RAB31: variants seen among roughly 807,000 people sequenced by gnomAD.
RAB31 encodes the protein RAB31, member RAS oncogene family.
RAB31 carries 21 observed loss-of-function variants against 25.6 expected under a neutral mutation model. That is an observed-to-expected ratio of 0.82 (90% CI 0.58 to 1.18). The LOEUF (loss-of-function observed/expected upper bound fraction) is 1.18, where lower values mean the gene tolerates loss of function less well. RAB31 is among the 50% of genes most tolerant of loss of function. The pLI, the probability that RAB31 is intolerant of heterozygous loss-of-function variation, is 0.00. For missense variants in RAB31, 196 were observed against 250.1 expected (o/e 0.78, Z 1.46); for synonymous variants, 87 against 84.0 (o/e 1.04, Z -0.20).
intron 1 of RAB31, among the ~76,000 whole-genome samples, chr18:9,754,497 C>G (rs546414331): frequency 6.6e-6 from 1 of 152,114 alleles, no homozygotes; most frequent in Non-Finnish European, 1.5e-5. Flanking sequence ...TCAGGCTGCT[C>G]TCGAACTTCT....
intron 1 of RAB31, among the ~76,000 whole-genome samples, chr18:9,714,637 C>G (rs560837762): frequency 6.6e-6 from 1 of 152,360 alleles, no homozygotes; most frequent in South Asian, 2.1e-4. Context: ...AGATTTTACA[C>G]TTTCATTTAT....
chr18:9,810,977 GGAATTCT>G, intron 3 of RAB31, among the ~76,000 whole-genome samples: 1 of 152,284 alleles, frequency 6.6e-6, no homozygotes, highest in South Asian at 2.1e-4. Context: ...CCTTTGGGCA[GGAATTCT>G]GATTTTGTTT....
intron 1 of RAB31, among the ~76,000 whole-genome samples, chr18:9,720,124 C>T (rs964447687): frequency 5.9e-5 from 9 of 152,150 alleles, no homozygotes; most frequent in South Asian, 2.1e-4. Context: ...CCACCATGCC[C>T]GGCTAATTTT....
intron 1 of RAB31, chr18:9,734,843 C>T: frequency 4.6e-6 from 1 of 219,084 alleles, no homozygotes; most frequent in Non-Finnish European, 9.9e-6. Flanking sequence ...GCCACCAGCA[C>T]ACAGGCCCCC....
chr18:9,762,907 T>A (rs1018768012), intron 1 of RAB31, among the ~76,000 whole-genome samples: 3 of 152,182 alleles, frequency 2.0e-5, no homozygotes, highest in Admixed American at 6.5e-5. Context: ...CAACAGGAGT[T>A]TCCTTTGCCA....
intron 1 of RAB31, among the ~76,000 whole-genome samples, chr18:9,747,852 C>G (rs2061135): frequency 1.3e-5 from 2 of 151,980 alleles, no homozygotes; most frequent in South Asian, 2.1e-4. Context: ...GAATTTTATG[C>G]TATGTGAATT....
At chr18:9,728,028 T>C (rs1390960873) in intron 1 of RAB31, among the ~76,000 whole-genome samples, 1 of 152,248 alleles carries the variant, frequency 6.6e-6, no homozygotes, top group Non-Finnish European at 1.5e-5. Flanking sequence ...ATAAAAAAGG[T>C]ACACATAGGT....
chr18:9,744,781 T>A (rs1442455110), intron 1 of RAB31, among the ~76,000 whole-genome samples: 1 of 152,044 alleles, frequency 6.6e-6, no homozygotes, highest in Non-Finnish European at 1.5e-5. Flanking sequence ...TTGAGATGAA[T>A]GAAGACAAAA....
At chr18:9,825,465 G>A (rs1031271920) in intron 5 of RAB31, among the ~76,000 whole-genome samples, 2 of 152,320 alleles carry the variant, frequency 1.3e-5, no homozygotes, top group East Asian at 1.9e-4. Context: ...TTGCCTCAGT[G>A]GTTTTAAAAG....
intron 1 of RAB31, among the ~76,000 whole-genome samples, chr18:9,759,008 A>T (rs1197303891): frequency 6.6e-6 from 1 of 151,932 alleles, no homozygotes; most frequent in East Asian, 1.9e-4. Flanking sequence ...AATCTTTGAG[A>T]TCAAGCAGTG....
intron 2 of RAB31, among the ~76,000 whole-genome samples, chr18:9,783,952 T>A (rs185401563): frequency 1.3e-5 from 2 of 152,370 alleles, no homozygotes; most frequent in Admixed American, 6.5e-5. Context: ...TATGGACATG[T>A]AGGTTGGTAC....
chr18:9,750,751 C>G (rs969104755), intron 1 of RAB31, among the ~76,000 whole-genome samples: 3 of 152,200 alleles, frequency 2.0e-5, no homozygotes, highest in Non-Finnish European at 4.4e-5. Flanking sequence ...CTGAAGTTGT[C>G]CAAACCACTA....
At chr18:9,716,716 TAAC>T (rs2068045994) in intron 1 of RAB31, among the ~76,000 whole-genome samples, 1 of 152,082 alleles carries the variant, frequency 6.6e-6, no homozygotes, top group African/African-American at 2.4e-5. Flanking sequence ...TTTTGTTACC[TAAC>T]TTTGTCAGCA....
At chr18:9,854,262 A>T (rs2068804364) in intron 6 of RAB31, among the ~76,000 whole-genome samples, 1 of 151,620 alleles carries the variant, frequency 6.6e-6, no homozygotes, top group South Asian at 2.1e-4. Context: ...GTTTGCTGAG[A>T]ACGTGGAGGG....
chr18:9,835,898 G>A (rs1360689699), intron 5 of RAB31, among the ~76,000 whole-genome samples: 1 of 152,090 alleles, frequency 6.6e-6, no homozygotes. Flanking sequence ...ATATGAGCTA[G>A]GGGGAGCATA....
intron 5 of RAB31, among the ~76,000 whole-genome samples, chr18:9,818,652 T>C (rs1348648692): frequency 6.6e-6 from 1 of 152,252 alleles, no homozygotes; most frequent in East Asian, 1.9e-4. Context: ...AACAATCATG[T>C]ACAAATTTTG....
intron 2 of RAB31, among the ~76,000 whole-genome samples, chr18:9,786,553 ATCT>A (rs2068434199): frequency 6.6e-6 from 1 of 152,180 alleles, no homozygotes; most frequent in Admixed American, 6.5e-5. Flanking sequence ...AACCTGTGGG[ATCT>A]GACAGTATCT....
At chr18:9,744,676 A>T (rs984253930) in intron 1 of RAB31, among the ~76,000 whole-genome samples, 1 of 152,236 alleles carries the variant, frequency 6.6e-6, no homozygotes, top group Non-Finnish European at 1.5e-5. Context: ...AGGGCTTAAG[A>T]CATTGGAAGT....
intron 1 of RAB31, among the ~76,000 whole-genome samples, chr18:9,711,330 G>A (rs924984316): frequency 6.6e-6 from 1 of 152,050 alleles, no homozygotes; most frequent in Admixed American, 6.5e-5. Context: ...TGATTCGAGA[G>A]ACCCTGTGGA....
Sources: gnomAD v4.1 joint callset for allele counts (sites outside exome capture counted in the v4.1 genomes callset) on GRCh38, gnomAD v4.1.1 for gene constraint, MANE v1.5 for transcripts, NCBI Gene and HGNC (gene_info 2026-07-23, HGNC 2026-07-21) for gene names.